The following SASH1 variants were observed in gnomAD, a reference collection of about 807,000 sequenced individuals.
SASH1 encodes the protein SAM and SH3 domain-containing protein 1.
A neutral mutation model predicts 125.2 loss-of-function variants in SASH1; 44 were observed. That is an observed-to-expected ratio of 0.35 (90% CI 0.28 to 0.45). The LOEUF is 0.45. Among genes scored for constraint, SASH1 ranks in the 20% least tolerant of loss-of-function variants. SASH1 has a pLI of 1.00. For synonymous variants in SASH1, 639 were observed against 649.1 expected (o/e 0.98, Z 0.24); for missense variants, 1,426 against 1,614.5 (o/e 0.88, Z 2.00).
chr6:148,229,433 C>A, the SASH1 span, among the ~76,000 whole-genome samples: 2 of 152,040 alleles, frequency 1.3e-5, no homozygotes, highest in Admixed American at 1.3e-4. Flanking sequence ...AAGTACTATA[C>A]AAGGAAGTGG....
Position 148,551,187 on chromosome 6 carries a change from A to C in SASH1, c.*2629A>C, listed in dbSNP as rs1456850833. On this transcript the variant is annotated 3_prime_UTR_variant, in exon 20 of 20. Coordinates refer to ENST00000367467, the MANE Select transcript of SASH1 (RefSeq NM_015278.5). The stretch of plus-strand genomic sequence containing the variant: ...CTGTAAACATTTAATTTGGTCTGAG[A>C]AAAGCTGAATGTTTGGGTGTGACGT... 1 of 152,446 alleles carries C rather than the reference A, an allele frequency of 6.6e-6. No individual in the cohort carries two copies. The highest frequency in any genetic ancestry group is 1.9e-4 in the East Asian group (1 of 5,200). 9.4% of individuals were successfully genotyped at this position (152,446 alleles called of 1,614,324 possible).
the SASH1 span, among the ~76,000 whole-genome samples, chr6:148,229,152 A>AAC: frequency 6.6e-6 from 1 of 151,476 alleles, no homozygotes; most frequent in East Asian, 1.9e-4. Flanking sequence ...AAAAAAAAAA[A>AAC]AAAAACACTT....
At chr6:148,319,337 A>C (rs1040560698) in intron 1 of SASH1, among the ~76,000 whole-genome samples, 1 of 151,422 alleles carries the variant, frequency 6.6e-6, no homozygotes, top group African/African-American at 2.4e-5. Context: ...GCCCAGCCCC[A>C]TTTATCTTTT....
the SASH1 span, among the ~76,000 whole-genome samples, chr6:148,245,044 T>C: frequency 6.6e-6 from 1 of 151,954 alleles, no homozygotes; most frequent in Non-Finnish European, 1.5e-5. Context: ...CATTACCCCA[T>C]GTTCAACTCA....
At chr6:148,383,337 A>G (rs185709267) in intron 1 of SASH1, among the ~76,000 whole-genome samples, 2 of 152,274 alleles carry the variant, frequency 1.3e-5, no homozygotes, top group Non-Finnish European at 2.9e-5. Context: ...CTTAGAGGGG[A>G]TGTATATATC....
chr6:148,372,404 C>A (rs1289405738), intron 1 of SASH1, among the ~76,000 whole-genome samples: 1 of 152,210 alleles, frequency 6.6e-6, no homozygotes, highest in African/African-American at 2.4e-5. Flanking sequence ...ACACCTTGAA[C>A]TGTATTCCAT....
chr6:148,455,997 A>C (rs1026601014), intron 4 of SASH1, among the ~76,000 whole-genome samples: 41 of 152,112 alleles, frequency 2.7e-4, no homozygotes, highest in Non-Finnish European at 5.3e-4. Flanking sequence ...CAGGCCCCAC[A>C]TCCCTCCAGG....
chr6:148,549,088 G>A lies in SASH1; in HGVS notation c.*530G>A, dbSNP rs1583347782. 1 of 151,260 alleles carries A rather than the reference G, an allele frequency of 6.6e-6. No homozygotes were observed. The highest frequency in any genetic ancestry group is 6.7e-5 in the Admixed American group (1 of 14,974). 9.4% of individuals were successfully genotyped at this position (151,260 alleles called of 1,614,324 possible). On this transcript the variant is annotated 3_prime_UTR_variant, in exon 20 of 20. Transcript: ENST00000367467. ...AGGAAAAAAAAAAAAAAAAAGTCCT[G>A]TTCTTCTTTAGATAAACAAGAGACA...
In SASH1 at chr6:148,403,059, T is replaced by C. The variant is rs141411989; in HGVS notation, c.285+12797T>C. Among the ~76,000 whole-genome samples, 19 of 152,264 alleles carry C rather than the reference T, an allele frequency of 1.2e-4. No individual in the cohort carries two copies. The East Asian group carries it at 3.7e-3, about 29-fold the overall frequency. On this transcript the variant is annotated intron_variant, in intron 2 of 19. Coordinates refer to ENST00000367467, the MANE Select transcript of SASH1 (RefSeq NM_015278.5). ...TGTTAAAAGTTGAACAGCTAGTAAGTATCAGAGATGAGATTTGAAACCAGG... is the reference window on the plus strand; with the variant it reads ...TGTTAAAAGTTGAACAGCTAGTAAGCATCAGAGATGAGATTTGAAACCAGG...
intron 2 of SASH1, among the ~76,000 whole-genome samples, chr6:148,430,201 G>A (rs1319079669): frequency 1.3e-5 from 2 of 152,254 alleles, no homozygotes; most frequent in Non-Finnish European, 2.9e-5. Context: ...GGCTCAGTCT[G>A]CACTCAGGGA....
At chr6:148,440,593 G>T (rs1296758100) in intron 4 of SASH1, 186 bp downstream of exon 4, 1 of 584,202 alleles carries the variant, frequency 1.7e-6, no homozygotes, top group Non-Finnish European at 3.0e-6. Flanking sequence ...TAATGCAGTT[G>T]GTGATGTCTG....
chr6:148,434,406 C>G (rs1475113708), intron 2 of SASH1, among the ~76,000 whole-genome samples: 1 of 152,056 alleles, frequency 6.6e-6, no homozygotes, highest in Non-Finnish European at 1.5e-5. Context: ...AATCTTTCAT[C>G]TTTAGAAAAA....
chr6:148,501,795 G>A (rs1015592464), intron 8 of SASH1, among the ~76,000 whole-genome samples: 4 of 152,078 alleles, frequency 2.6e-5, no homozygotes, highest in Non-Finnish European at 4.4e-5. Context: ...TGCAGAATTG[G>A]GGTGGGAGGA....
At chr6:148,434,411 G>A (rs9377134) in intron 2 of SASH1, among the ~76,000 whole-genome samples, 1 of 151,986 alleles carries the variant, frequency 6.6e-6, no homozygotes, top group African/African-American at 2.4e-5. Context: ...TTCATCTTTA[G>A]AAAAAAGTAA....
intron 8 of SASH1, among the ~76,000 whole-genome samples, chr6:148,493,966 T>C (rs934754483): frequency 6.6e-6 from 1 of 152,192 alleles, no homozygotes; most frequent in South Asian, 2.1e-4. Flanking sequence ...GGAGGGGTGA[T>C]TGTAAGAGTT....
the SASH1 span, among the ~76,000 whole-genome samples, chr6:148,223,401 G>T: frequency 1.3e-5 from 2 of 152,214 alleles, no homozygotes; most frequent in Non-Finnish European, 2.9e-5. Context: ...TCAAGTCACT[G>T]CTTTGTCTGA....
chr6:148,236,159 G>A, the SASH1 span, among the ~76,000 whole-genome samples: 1 of 152,096 alleles, frequency 6.6e-6, no homozygotes, highest in Non-Finnish European at 1.5e-5. Context: ...AGAGGTCAGG[G>A]AACAGGAAGG....
intron 1 of SASH1, among the ~76,000 whole-genome samples, chr6:148,287,119 C>T (rs1779501348): frequency 6.6e-6 from 1 of 152,150 alleles, no homozygotes; most frequent in Non-Finnish European, 1.5e-5. Flanking sequence ...GAGGAGACTT[C>T]AGCTCCAGAA....
At chr6:148,414,843 T>G (rs1407138049) in intron 2 of SASH1, among the ~76,000 whole-genome samples, 4 of 152,038 alleles carry the variant, frequency 2.6e-5, no homozygotes, top group Non-Finnish European at 5.9e-5. Context: ...TTTTTTGTAG[T>G]TTCTTGGCCA....
Sources: gnomAD v4.1 joint callset for allele counts (sites outside exome capture counted in the v4.1 genomes callset) on GRCh38, gnomAD v4.1.1 for gene constraint, MANE v1.5 for transcripts, NCBI Gene and HGNC (gene_info 2026-07-23, HGNC 2026-07-21) for gene names.